Variants in CASZ1 observed in about 807,000 individuals in gnomAD.
CASZ1 encodes the protein zinc finger protein castor homolog 1.
Under a neutral mutation model 135.2 loss-of-function variants are expected in CASZ1, and 28 were observed. The observed-to-expected ratio is 0.21, with a 90% CI of 0.15 to 0.28. CASZ1 has a LOEUF of 0.28. CASZ1 is among the 10% of genes least tolerant of loss of function. The probability of loss-of-function intolerance (pLI) is 1.00; values close to 1 mark genes in which losing one functional copy is unlikely to be tolerated. For synonymous variants in CASZ1, 1,068 were observed against 1,073.4 expected, an observed-to-expected ratio of 0.99 and a Z score of 0.10; for missense variants, 2,161 against 2,453.3, an observed-to-expected ratio of 0.88 and a Z score of 2.52.
chr1:10,654,462 C>G lies in CASZ1; in HGVS notation c.1795G>C (p.Asp599His), dbSNP rs201455408. 1.3e-5 allele frequency: 21 copies of G among 1,614,190 alleles called. No homozygotes were observed. The highest frequency in any genetic ancestry group is 1.5e-5 in the Non-Finnish European group (18 of 1,180,026). Residue 599 changes from aspartate to histidine, a missense_variant, in exon 10 of 21, where the codon GAC becomes CAC. Coordinates refer to ENST00000377022, the MANE Select transcript of CASZ1 (RefSeq NM_001079843.3). ...GTCTTCTGTCCGTAGAACTGGCAGT[C>G]GGCTGTGCCACAGTCTTCGGTGGCT... ...FRATEDCGTA[D>H]CQFYGQKTTH...
At chr1:10,772,826 G>A (rs1640599247) in intron 1 of CASZ1, among the ~76,000 whole-genome samples, 1 of 152,156 alleles carries the variant, frequency 6.6e-6, no homozygotes, top group Non-Finnish European at 1.5e-5. Context: ...AGCTGTATGG[G>A]TGGGCTCAGT....
chr1:10,671,124 C>T (rs1311782496), intron 4 of CASZ1, among the ~76,000 whole-genome samples: 2 of 152,210 alleles, frequency 1.3e-5, no homozygotes, highest in Non-Finnish European at 2.9e-5. Flanking sequence ...GGTTCGCTAT[C>T]CAGACGCGTC....
intron 1 of CASZ1, among the ~76,000 whole-genome samples, chr1:10,769,701 G>A (rs1356806886): frequency 6.6e-6 from 1 of 152,130 alleles, no homozygotes; most frequent in Non-Finnish European, 1.5e-5. Flanking sequence ...ATTTTTAGTA[G>A]AGACAGGGTT....
intron 2 of CASZ1, among the ~76,000 whole-genome samples, chr1:10,708,972 G>GC (rs1491543399): frequency 6.6e-5 from 5 of 75,610 alleles, no homozygotes; most frequent in South Asian, 5.7e-4. Context: ...AGGACGGGGA[G>GC]GGGGGGGGCC....
rs1642016746 is a variant in CASZ1 at position 10,637,069 on chromosome 1, G to GAA, written c.*1871_*1872dup. On this transcript the variant is annotated 3_prime_UTR_variant, in exon 21 of 21. Coordinates refer to ENST00000377022, the MANE Select transcript of CASZ1 (RefSeq NM_001079843.3). ...GGCTTATAGTCCTAGTGTGCAATAT[G>GAA]AAGTTTACAAAAGGCTAGACTCCGC... The GAA allele has an allele frequency of 6.6e-6, 1 of 151,558 alleles. No homozygotes were observed. The highest frequency in any genetic ancestry group is 1.5e-5 in the Non-Finnish European group (1 of 67,936). The allele number at this position is 151,558 out of a possible 1,614,324, so 9.4% of individuals were successfully genotyped here.
At chr1:10,712,980 T>C (rs1639315057) in intron 2 of CASZ1, among the ~76,000 whole-genome samples, 1 of 152,204 alleles carries the variant, frequency 6.6e-6, no homozygotes, top group African/African-American at 2.4e-5. Flanking sequence ...AGGGAAAGCC[T>C]GGAATAACCA....
chr1:10,673,350 T>C (rs1405409043), intron 4 of CASZ1, among the ~76,000 whole-genome samples: 2 of 152,224 alleles, frequency 1.3e-5, no homozygotes, highest in Admixed American at 1.3e-4. Flanking sequence ...TAAAATGCTT[T>C]TAAAGCAACT....
chr1:10,647,514 C>G lies in CASZ1; in HGVS notation c.3497+287G>C. Reference sequence around the variant, plus strand: ...GAGTTGTCCTCTGAGGACCACCACGCCCAGTCCACCCCACCTGGCCCTGGC... The same window carrying G: ...GAGTTGTCCTCTGAGGACCACCACGGCCAGTCCACCCCACCTGGCCCTGGC... On this transcript the variant is annotated intron_variant, in intron 16 of 20. Coordinates refer to ENST00000377022, the MANE Select transcript of CASZ1 (RefSeq NM_001079843.3). The surrounding 1 kb of genome is among the most constrained non-coding windows in gnomAD (Gnocchi z 4.9). The G allele has an allele frequency of 7.5e-7, 1 of 1,330,798 alleles. No individual in the cohort carries two copies. Among genetic ancestry groups the G allele is most frequent in the Non-Finnish European group, 9.7e-7 (1 of 1,034,328 alleles). The allele number at this position is 1,330,798 out of a possible 1,614,324, so 82.4% of individuals were successfully genotyped here. A position where few individuals can be genotyped will look rare whatever the true frequency, so the allele number is the denominator to read the frequency against.
chr1:10,643,933 A>G (rs1366787285), intron 18 of CASZ1, among the ~76,000 whole-genome samples: 1 of 152,252 alleles, frequency 6.6e-6, no homozygotes, highest in Non-Finnish European at 1.5e-5. Flanking sequence ...CTGTAAACTG[A>G]GCCCAGGGAC....
At chr1:10,790,653 C>T (rs1053456144) in intron 1 of CASZ1, among the ~76,000 whole-genome samples, 6 of 152,228 alleles carry the variant, frequency 3.9e-5, no homozygotes, top group Non-Finnish European at 7.3e-5. Flanking sequence ...CGTGGACTCA[C>T]AGCCTTTTTG....
chr1:10,712,318 C>T (rs1639302047), intron 2 of CASZ1, among the ~76,000 whole-genome samples: 1 of 151,728 alleles, frequency 6.6e-6, no homozygotes, highest in Non-Finnish European at 1.5e-5. Flanking sequence ...TGCACTCCAG[C>T]CTGGAAGACA....
Position 10,711,741 on chromosome 1 carries a change from C to T in CASZ1, c.-76-6197G>A, listed in dbSNP as rs1639290217. On this transcript the variant is annotated intron_variant, in intron 2 of 20. Transcript: ENST00000377022. The surrounding 1 kb of genome is among the most constrained non-coding windows in gnomAD (Gnocchi z 4.4). ...TCTGTCCATACTATTGAATATTATT[C>T]AGCTATAAAAAAGGAGTGAAGTTCT... is the stretch of plus-strand genomic sequence containing the variant. Among the ~76,000 whole-genome samples the T allele has an allele frequency of 6.6e-6, 1 of 152,016 alleles. No individual in the cohort carries two copies. Among genetic ancestry groups the T allele is most frequent in the South Asian group, 2.1e-4 (1 of 4,816 alleles).
rs1455351081 is a variant in CASZ1, at chr1:10,638,599, C to A, written c.*343G>T. ...CCCCAGCGCCCGTCCCAGTCCTGAG[C>A]AATGGTCGCGGGGCCGAATCGGCCG... is the stretch of plus-strand genomic sequence containing the variant. On this transcript the variant is annotated 3_prime_UTR_variant, in exon 21 of 21. Coordinates refer to ENST00000377022, the MANE Select transcript of CASZ1 (RefSeq NM_001079843.3). This position sits in a 1 kb window ranked among gnomAD's most constrained non-coding sequence, Gnocchi z 5.9. The A allele has an allele frequency of 6.6e-6, 1 of 152,344 alleles. No homozygotes were observed. The highest frequency in any genetic ancestry group is 1.5e-5 in the Non-Finnish European group (1 of 68,262). 9.4% of individuals were successfully genotyped at this position (152,344 alleles called of 1,614,324 possible). A position where few individuals can be genotyped will look rare whatever the true frequency, so the allele number is the denominator to read the frequency against.
At chr1:10,773,345 G>C (rs919488343) in intron 1 of CASZ1, among the ~76,000 whole-genome samples, 1 of 151,670 alleles carries the variant, frequency 6.6e-6, no homozygotes, top group Admixed American at 6.6e-5. Context: ...TGCCGGCTAC[G>C]GGCAGGTAGA....
rs1454455988 is a variant in CASZ1, at chr1:10,697,419, T to C, written c.-23-3507A>G. Among the ~76,000 whole-genome samples the C allele has an allele frequency of 6.6e-6, 1 of 152,118 alleles. No homozygotes were observed. Among genetic ancestry groups the C allele is most frequent in the East Asian group, 1.9e-4 (1 of 5,188 alleles). On this transcript the variant is annotated intron_variant, in intron 3 of 20. Transcript: ENST00000377022. The surrounding 1 kb of genome is among the most constrained non-coding windows in gnomAD (Gnocchi z 4.7). Reference sequence around the variant, plus strand: ...GGAAGTCCAATGCCATAATCTCTTCTGATCTTGAGTCCCTGGGCCCAGAGC... The same window carrying C: ...GGAAGTCCAATGCCATAATCTCTTCCGATCTTGAGTCCCTGGGCCCAGAGC...
intron 6 of CASZ1, 74 bp from the exon 7 acceptor site, chr1:10,658,650 A>C: frequency 7.3e-7 from 1 of 1,363,180 alleles, no homozygotes; most frequent in South Asian, 1.2e-5. Context: ...TCTGGTGGGC[A>C]GCCCCTGCCC....
intron 4 of CASZ1, among the ~76,000 whole-genome samples, chr1:10,689,600 G>T (rs1638703523): frequency 6.6e-6 from 1 of 152,170 alleles, no homozygotes; most frequent in African/African-American, 2.4e-5. Context: ...GCCTCTTGTT[G>T]GGGAGGAAAG....
At chr1:10,669,960 T>C (rs1643352213) in intron 4 of CASZ1, among the ~76,000 whole-genome samples, 1 of 152,332 alleles carries the variant, frequency 6.6e-6, no homozygotes, top group South Asian at 2.1e-4. Flanking sequence ...TTTCACTCAG[T>C]GGAAACGGTG....
rs1360293141 is a variant in CASZ1, at chr1:10,747,759, C to T, written c.-77+12942G>A. The stretch of plus-strand genomic sequence containing the variant: ...GGTGTCTCACCACACCTAGCTCCCC[C>T]TCCAGAATGAGCAATCACTGGGAGA... On this transcript the variant is annotated intron_variant, in intron 2 of 20. Transcript: ENST00000377022. This position sits in a 1 kb window ranked among gnomAD's most constrained non-coding sequence, Gnocchi z 4.3. 6.6e-6 allele frequency among the ~76,000 whole-genome samples: 1 copy of T among 152,120 alleles called. No individual in the cohort carries two copies. The highest frequency in any genetic ancestry group is 1.5e-5 in the Non-Finnish European group (1 of 68,024).
Sources: allele counts gnomAD v4.1 joint callset (sites outside exome capture counted in the v4.1 genomes callset), GRCh38; gene constraint gnomAD v4.1.1; non-coding constraint Gnocchi (gnomAD v3.1); transcripts MANE v1.5; gene names NCBI Gene and HGNC (gene_info 2026-07-23, HGNC 2026-07-21).